Variants in LDLRAD4 observed in about 807,000 individuals in gnomAD.
LDLRAD4 encodes low-density lipoprotein receptor class A domain-containing protein 4.
LDLRAD4 carries 5 observed loss-of-function variants against 17.0 expected under a neutral mutation model. The ratio of observed to expected loss-of-function variants is 0.29; its 90% CI spans 0.15 to 0.62. The LOEUF is 0.62. LDLRAD4 is among the 20% of genes least tolerant of loss of function. The pLI, the probability that LDLRAD4 is intolerant of heterozygous loss-of-function variation, is 0.84. For missense variants in LDLRAD4, 340 were observed against 424.7 expected (o/e 0.80, Z 1.75); for synonymous variants, 168 against 171.8 (o/e 0.98, Z 0.17).
chr18:13,611,438 C>T (rs2039548046), intron 3 of LDLRAD4: 1 of 985,044 alleles, frequency 1.0e-6, no homozygotes, highest in Non-Finnish European at 1.2e-6. Context: ...CTGCGACAGA[C>T]TCGCAGCCTG....
At chr18:13,546,249 T>C (rs2094360777) in intron 3 of LDLRAD4, among the ~76,000 whole-genome samples, 1 of 152,008 alleles carries the variant, frequency 6.6e-6, no homozygotes, top group Non-Finnish European at 1.5e-5. Context: ...GGAGGGGAGT[T>C]CAGTGAAGCA....
chr18:13,485,290 T>G (rs1483621594), intron 3 of LDLRAD4, among the ~76,000 whole-genome samples: 1 of 152,144 alleles, frequency 6.6e-6, no homozygotes, highest in African/African-American at 2.4e-5. Context: ...CCACAAAGCC[T>G]CTGGTAGGAG....
At chr18:13,362,068 T>C (rs2083712703) in intron 1 of LDLRAD4, 1 of 152,030 alleles carries the variant, frequency 6.6e-6, no homozygotes, top group South Asian at 2.1e-4. Context: ...TCGAGGTCTG[T>C]GGGCAAAGGC....
intron 1 of LDLRAD4, among the ~76,000 whole-genome samples, chr18:13,357,418 A>G (rs1251459037): frequency 6.6e-6 from 1 of 152,102 alleles, no homozygotes; most frequent in Non-Finnish European, 1.5e-5. Flanking sequence ...TGCAGGAAAA[A>G]AAAAAAAGGA....
intron 3 of LDLRAD4, among the ~76,000 whole-genome samples, chr18:13,455,179 G>C (rs2092061423): frequency 6.6e-6 from 1 of 152,200 alleles, no homozygotes; most frequent in Non-Finnish European, 1.5e-5. Flanking sequence ...GGCTGGGCTG[G>C]CAGACAGGTC....
intron 3 of LDLRAD4, among the ~76,000 whole-genome samples, chr18:13,546,594 T>C (rs1488478005): frequency 6.6e-6 from 1 of 152,076 alleles, no homozygotes; most frequent in Non-Finnish European, 1.5e-5. Flanking sequence ...GGTGGTTTTT[T>C]TTTTAAATAC....
chr18:13,642,893 T>TTTTGTTTG, intron 4 of LDLRAD4: 2 of 464,940 alleles, frequency 4.3e-6, no homozygotes, highest in Non-Finnish European at 6.9e-6. Flanking sequence ...GCTCCACGTT[T>TTTTGTTTG]TTTGTTTGTT....
chr18:13,602,383 C>T (rs961943708), intron 3 of LDLRAD4, among the ~76,000 whole-genome samples: 1 of 152,056 alleles, frequency 6.6e-6, no homozygotes, highest in African/African-American at 2.4e-5. Flanking sequence ...GGATATCTGA[C>T]TGCAAATCCA....
chr18:13,346,270 T>C (rs2082681261), intron 1 of LDLRAD4, among the ~76,000 whole-genome samples: 1 of 152,256 alleles, frequency 6.6e-6, no homozygotes, highest in African/African-American at 2.4e-5. Context: ...GAGATTCTTG[T>C]ATGTTGTGTC....
At chr18:13,341,584 C>A (rs1361759399) in intron 1 of LDLRAD4, among the ~76,000 whole-genome samples, 1 of 152,020 alleles carries the variant, frequency 6.6e-6, no homozygotes, top group African/African-American at 2.4e-5. Context: ...TTGCTTGTGG[C>A]AGCCTTGTTT....
At chr18:13,533,044 A>G (rs2094152072) in intron 3 of LDLRAD4, among the ~76,000 whole-genome samples, 1 of 152,244 alleles carries the variant, frequency 6.6e-6, no homozygotes, top group Non-Finnish European at 1.5e-5. Context: ...GTTAGATACC[A>G]GTTAATTTAC....
chr18:13,570,254 G>C (rs1621066), intron 3 of LDLRAD4, among the ~76,000 whole-genome samples: 35,607 of 152,166 alleles, frequency 0.23, 4,428 homozygotes, highest in East Asian at 0.39. Flanking sequence ...TGGGGGGCCT[G>C]GTCTGTGCGC....
chr18:13,490,551 T>TA (rs1416172679), intron 3 of LDLRAD4: 1 of 152,244 alleles, frequency 6.6e-6, no homozygotes, highest in East Asian at 1.9e-4. Flanking sequence ...GTGAGGTTTT[T>TA]ATTTCAAAAT....
chr18:13,331,510 C>A (rs1410998825), intron 1 of LDLRAD4, among the ~76,000 whole-genome samples: 1 of 152,230 alleles, frequency 6.6e-6, no homozygotes, highest in African/African-American at 2.4e-5. Context: ...TTAATTAGTA[C>A]CTCCAGTGCA....
chr18:13,544,654 A>G (rs1275242720), intron 3 of LDLRAD4, among the ~76,000 whole-genome samples: 1 of 152,224 alleles, frequency 6.6e-6, no homozygotes, highest in Non-Finnish European at 1.5e-5. Flanking sequence ...TAAGTAGGCT[A>G]GAATGGAGGA....
intron 2 of LDLRAD4, among the ~76,000 whole-genome samples, chr18:13,409,187 C>T (rs1351686246): frequency 6.6e-6 from 1 of 152,114 alleles, no homozygotes; most frequent in African/African-American, 2.4e-5. Flanking sequence ...TGTTTTTTCA[C>T]TAGGGAAGTA....
chr18:13,394,026 G>A (rs2086472619), intron 2 of LDLRAD4, among the ~76,000 whole-genome samples: 1 of 152,238 alleles, frequency 6.6e-6, no homozygotes, highest in Non-Finnish European at 1.5e-5. Flanking sequence ...TTTAGTAGGT[G>A]TAGAAATGAT....
At chr18:13,634,898 A>G (rs1005276286) in intron 4 of LDLRAD4, among the ~76,000 whole-genome samples, 10 of 152,192 alleles carry the variant, frequency 6.6e-5, no homozygotes, top group Admixed American at 6.5e-4. Flanking sequence ...AGACCAGTGG[A>G]ATAGAACAGA....
chr18:13,552,888 T>C (rs1284412), intron 3 of LDLRAD4, among the ~76,000 whole-genome samples: 53,836 of 152,018 alleles, frequency 0.35, 10,215 homozygotes, highest in Middle Eastern at 0.53. Context: ...CAGAGTTTGC[T>C]GCCCAAAAAA....
Sources: allele counts gnomAD v4.1 joint callset (sites outside exome capture counted in the v4.1 genomes callset), GRCh38; gene constraint gnomAD v4.1.1; transcripts MANE v1.5; gene names NCBI Gene and HGNC (gene_info 2026-07-23, HGNC 2026-07-21).